UTRN: variants seen among roughly 807,000 people sequenced by gnomAD.
UTRN encodes the protein utrophin.
Under a neutral mutation model 463.9 loss-of-function variants are expected in UTRN, and 283 were observed. That is an observed-to-expected ratio of 0.61 (90% confidence interval 0.55 to 0.67). The LOEUF is 0.67. Among genes scored for constraint, UTRN ranks in the 30% least tolerant of loss-of-function variants. The pLI, the probability that UTRN is intolerant of heterozygous loss-of-function variation, is 0.00. For missense variants in UTRN, 3,922 were observed against 4,084.3 expected (o/e 0.96, Z 1.08); for synonymous variants, 1,442 against 1,431.5 (o/e 1.01, Z -0.17).
intron 41 of UTRN, 56 bp from the exon 42 acceptor site, chr6:144,530,996 T>C: frequency 6.4e-7 from 1 of 1,554,346 alleles, no homozygotes; most frequent in Non-Finnish European, 8.7e-7. Context: ...GAAAAATGGC[T>C]TTAGGCAGTC....
chr6:144,338,689 A>G (rs1259403424), intron 2 of UTRN, among the ~76,000 whole-genome samples: 4 of 152,184 alleles, frequency 2.6e-5, no homozygotes, highest in African/African-American at 9.6e-5. Flanking sequence ...CCCAGGGAAC[A>G]TTGCAGGTGG....
intron 65 of UTRN, among the ~76,000 whole-genome samples, chr6:144,815,080 A>G (rs945748617): frequency 2.0e-5 from 3 of 152,242 alleles, no homozygotes; most frequent in Non-Finnish European, 4.4e-5. Context: ...GAGTCACATT[A>G]AAAGTTGCCA....
intron 65 of UTRN, among the ~76,000 whole-genome samples, chr6:144,817,011 T>G (rs1288473248): frequency 6.6e-6 from 1 of 152,222 alleles, no homozygotes; most frequent in African/African-American, 2.4e-5. Context: ...CTATGGATTC[T>G]TTCCCTTTCA....
intron 2 of UTRN, among the ~76,000 whole-genome samples, chr6:144,399,711 T>A (rs780765633): frequency 6.6e-6 from 1 of 152,196 alleles, no homozygotes; most frequent in Non-Finnish European, 1.5e-5. Flanking sequence ...GGGAAACAAC[T>A]CCTAATTTCT....
rs4282425 is a variant in UTRN, at chr6:144,440,247, A to G, written c.1393-105A>G. ...TAGGGTAATGATTGGAAATTTAAAT[A>G]TGATGCCTCATTAACTGTCCTTAAT... On this transcript the variant is annotated intron_variant, in intron 12 of 74. Transcript: ENST00000367545. 0.28 allele frequency: 317,805 copies of G among 1,146,896 alleles called. 48,370 individuals are homozygous for G. The highest frequency in any genetic ancestry group is 0.55 in the African/African-American group (36,125 of 65,918). The allele number at this position is 1,146,896 out of a possible 1,614,324, so 71.0% of individuals were successfully genotyped here. A position where few individuals can be genotyped will look rare whatever the true frequency, so the allele number is the denominator to read the frequency against.
At chr6:144,341,568 G>A (rs542130638) in intron 2 of UTRN, among the ~76,000 whole-genome samples, 73 of 152,234 alleles carry the variant, frequency 4.8e-4, no homozygotes, top group African/African-American at 1.7e-3. Flanking sequence ...GTCTTCCTTG[G>A]CTACCTTCAA....
intron 2 of UTRN, among the ~76,000 whole-genome samples, chr6:144,345,084 A>C (rs1348173335): frequency 6.6e-6 from 1 of 151,962 alleles, no homozygotes; most frequent in Non-Finnish European, 1.5e-5. Flanking sequence ...AAACTTTGAG[A>C]CTGGTTGGTT....
At chr6:144,551,247 G>A (rs1030468640) in intron 48 of UTRN, among the ~76,000 whole-genome samples, 165 bp downstream of exon 48, 1 of 151,718 alleles carries the variant, frequency 6.6e-6, no homozygotes, top group Admixed American at 6.6e-5. Flanking sequence ...CAGAAATGTA[G>A]CTTTCCCTTG....
chr6:144,332,353 T>C (rs1408616163), intron 2 of UTRN, among the ~76,000 whole-genome samples: 3 of 152,118 alleles, frequency 2.0e-5, no homozygotes, highest in Non-Finnish European at 2.9e-5. Context: ...TAGATCCTTG[T>C]GAATGAATGA....
At chr6:144,385,706 A>ATTTTTTTTT (rs60221098) in intron 2 of UTRN, among the ~76,000 whole-genome samples, 1 of 142,552 alleles carries the variant, frequency 7.0e-6, no homozygotes. Context: ...CCAGAACTCT[A>ATTTTTTTTT]TTTTTTTTTT....
rs562421922 is a variant in UTRN at position 144,514,819 on chromosome 6, A to G, written c.5243A>G (p.Lys1748Arg). The change falls in exon 37 of 75, where the codon AAA (lysine) becomes AGA (arginine). Residue 1748 changes from lysine (K) to arginine (R), a missense_variant and splice_region_variant. This residue lies in a region of UTRN where 2,349 missense variants were observed against 2,303.8 expected (regional missense o/e 1.02). Coordinates refer to ENST00000367545, the MANE Select transcript of UTRN (RefSeq NM_007124.3). ...EKVSQHIKSA[K>R]LLIAQEPLYQ... is the part of the protein sequence containing the mutation. ...GTGTCTCAACATATCAAAAGTGCCA[A>G]AGTGAGTAATTATGCTTTTAGAGTA... The G allele has an allele frequency of 5.3e-5, 86 of 1,612,240 alleles. 1 individual carries two copies. In the South Asian group the frequency reaches 9.0e-4, roughly 17 times the overall value.
intron 36 of UTRN, 26 bp from the exon 37 acceptor site, chr6:144,514,624 A>T: frequency 1.9e-6 from 3 of 1,608,734 alleles, no homozygotes; most frequent in South Asian, 2.2e-5. Context: ...TTCCCATGAG[A>T]TAATTTTGTG....
At chr6:144,842,257 A>T (rs986193589) in intron 73 of UTRN, among the ~76,000 whole-genome samples, 4 of 152,106 alleles carry the variant, frequency 2.6e-5, no homozygotes, top group African/African-American at 4.8e-5. Flanking sequence ...AAATACCATC[A>T]TTAGCAGAAT....
chr6:144,852,412 TAA>T lies in UTRN; in HGVS notation c.*1417_*1418del, dbSNP rs922979023. On this transcript the variant is annotated 3_prime_UTR_variant, in exon 75 of 75. Coordinates refer to ENST00000367545, the MANE Select transcript of UTRN (RefSeq NM_007124.3). ...ATTCAAACCTAAAGACATAAAAACA[TAA>T]AGACATTTTAACTTTGGGTTCTCTT... The T allele has an allele frequency of 1.3e-5, 2 of 152,376 alleles. No individual in the cohort carries two copies. Among genetic ancestry groups the T allele is most frequent in the Non-Finnish European group, 2.9e-5 (2 of 68,008 alleles). 9.4% of individuals were successfully genotyped at this position (152,376 alleles called of 1,614,324 possible).
At chr6:144,693,754 C>T (rs776424935) in intron 52 of UTRN, among the ~76,000 whole-genome samples, 10 of 152,072 alleles carry the variant, frequency 6.6e-5, no homozygotes, top group South Asian at 2.1e-4. Flanking sequence ...TATCCTGAGA[C>T]GCTGCTGAAG....
intron 51 of UTRN, among the ~76,000 whole-genome samples, chr6:144,671,737 T>A (rs1781059589): frequency 6.6e-6 from 1 of 152,120 alleles, no homozygotes; most frequent in South Asian, 2.1e-4. Flanking sequence ...TCTTGTTCCA[T>A]TTCTCAGGGG....
chr6:144,491,296 GAGAT>G (rs551086376), intron 32 of UTRN, among the ~76,000 whole-genome samples, 194 bp downstream of exon 32: 91 of 152,310 alleles, frequency 6.0e-4, no homozygotes, highest in African/African-American at 2.1e-3. Context: ...AGAGATAAGA[GAGAT>G]AGCTAAGGAA....
At chr6:144,500,823 G>A (rs1424887458) in intron 34 of UTRN, among the ~76,000 whole-genome samples, 1 of 152,170 alleles carries the variant, frequency 6.6e-6, no homozygotes, top group African/African-American at 2.4e-5. Context: ...AGAAAGAATT[G>A]AATGGAACAT....
intron 33 of UTRN, among the ~76,000 whole-genome samples, chr6:144,494,853 G>A (rs2128581214): frequency 6.6e-6 from 1 of 151,186 alleles, no homozygotes; most frequent in Non-Finnish European, 1.5e-5. Flanking sequence ...GCCAATTGGT[G>A]TATTTACAAT....
Sources: allele counts gnomAD v4.1 joint callset (sites outside exome capture counted in the v4.1 genomes callset), GRCh38; gene constraint gnomAD v4.1.1; regional missense constraint gnomAD v4.1.1; transcripts MANE v1.5; gene names NCBI Gene and HGNC (gene_info 2026-07-23, HGNC 2026-07-21).